The following ADAM2 variants were observed in gnomAD, a reference collection of about 807,000 sequenced individuals.
ADAM2 encodes the protein ADAM metallopeptidase domain 2, also known as disintegrin and metalloproteinase domain-containing protein 2.
ADAM2 carries 101 observed loss-of-function variants against 99.3 expected under a neutral mutation model. The ratio of observed to expected loss-of-function variants is 1.02; its 90% confidence interval spans 0.87 to 1.20. The LOEUF (loss-of-function observed/expected upper bound fraction) is 1.20, where lower values mean the gene tolerates loss of function less well. Among genes scored for constraint, ADAM2 ranks in the 50% most tolerant of loss-of-function variants. The pLI is 0.00. For missense variants in ADAM2, 948 were observed against 878.7 expected (o/e 1.08, Z -1.00); for synonymous variants, 323 against 287.6 (o/e 1.12, Z -1.25).
chr8:39,748,340 T>G (rs749337985), intron 18 of ADAM2, among the ~76,000 whole-genome samples: 6 of 152,152 alleles, frequency 3.9e-5, no homozygotes, highest in Non-Finnish European at 8.8e-5. Context: ...ATGGCATGTG[T>G]GTGCATGAAT....
chr8:39,766,905 A>G lies in ADAM2; in HGVS notation c.1450T>C (p.Cys484Arg). The change falls in exon 14 of 21, where the codon TGT becomes CGT. Residue 484 changes from cysteine to arginine, a missense_variant. Cys to Arg is a radical substitution (Grantham distance 180). Transcript: ENST00000265708. ...GHPCGLNQWI[C>R]IDGVCMSGDK... ...CCACTCATACAAACTCCATCTATACAGATCCATTGATTCAGTCCACACGGA... is the reference window on the plus strand; with the variant it reads ...CCACTCATACAAACTCCATCTATACGGATCCATTGATTCAGTCCACACGGA... 1 of 1,614,128 alleles carries G rather than the reference A, an allele frequency of 6.2e-7. No homozygotes were observed. Among genetic ancestry groups the G allele is most frequent in the South Asian group, 1.1e-5 (1 of 91,084 alleles).
intron 9 of ADAM2, among the ~76,000 whole-genome samples, chr8:39,787,303 A>C (rs569401513): frequency 1.2e-4 from 18 of 151,766 alleles, no homozygotes; most frequent in African/African-American, 4.3e-4. Context: ...TAAAAAAACT[A>C]AAACAGAAAA....
intron 7 of ADAM2, among the ~76,000 whole-genome samples, chr8:39,797,598 G>T (rs1237060601): frequency 6.6e-6 from 1 of 152,166 alleles, no homozygotes; most frequent in Admixed American, 6.5e-5. Context: ...GTCAATGGTA[G>T]TTTTATGTGA....
chr8:39,799,175 C>T (rs774153741), intron 7 of ADAM2, among the ~76,000 whole-genome samples: 4 of 152,170 alleles, frequency 2.6e-5, no homozygotes, highest in Admixed American at 2.6e-4. Context: ...ATGGGCATTT[C>T]GTGCTATAAA....
At chr8:39,746,769 T>C in intron 18 of ADAM2, 138 bp from the exon 19 acceptor site, 1 of 697,292 alleles carries the variant, frequency 1.4e-6, no homozygotes, top group East Asian at 3.1e-5. Flanking sequence ...TTCTATGAAA[T>C]AGATAACTTG....
chr8:39,836,443 A>T (rs1335938432), intron 2 of ADAM2, among the ~76,000 whole-genome samples: 1 of 152,156 alleles, frequency 6.6e-6, no homozygotes, highest in African/African-American at 2.4e-5. Context: ...TGATTTAAAT[A>T]ACATCTTAAG....
chr8:39,778,303 C>G (rs532884610), intron 10 of ADAM2, among the ~76,000 whole-genome samples: 1 of 151,914 alleles, frequency 6.6e-6, no homozygotes, highest in African/African-American at 2.4e-5. Flanking sequence ...TGCCCTCCAC[C>G]CCAAAAAGAT....
At chr8:39,792,053 C>T (rs1803738605) in intron 7 of ADAM2, among the ~76,000 whole-genome samples, 1 of 151,720 alleles carries the variant, frequency 6.6e-6, no homozygotes, top group East Asian at 1.9e-4. Flanking sequence ...TAAAATATCA[C>T]ACAACACAGC....
At chr8:39,771,038 C>G (rs1802759561) in intron 11 of ADAM2, among the ~76,000 whole-genome samples, 1 of 152,162 alleles carries the variant, frequency 6.6e-6, no homozygotes, top group Admixed American at 6.5e-5. Flanking sequence ...TTTAAATTCA[C>G]CTATAGTTAC....
At chr8:39,793,385 A>G (rs1350224862) in intron 7 of ADAM2, among the ~76,000 whole-genome samples, 2 of 152,174 alleles carry the variant, frequency 1.3e-5, no homozygotes. Context: ...ATGTAACATT[A>G]CCAAGGGATG....
intron 3 of ADAM2, among the ~76,000 whole-genome samples, chr8:39,825,847 C>T (rs1805377527): frequency 6.6e-6 from 1 of 152,038 alleles, no homozygotes; most frequent in South Asian, 2.1e-4. Flanking sequence ...TTTATTCCAG[C>T]AAAAATTTAT....
chr8:39,777,198 T>C lies in ADAM2; in HGVS notation c.892-37A>G, dbSNP rs780154490. ...AAATAGATGTACACGTTTTGGGAGA[T>C]TATTTTGTTTACTGGGAGAACAATG... On this transcript the variant is annotated intron_variant, in intron 10 of 20. Transcript: ENST00000265708. 3.9e-6 allele frequency: 6 copies of C among 1,547,926 alleles called. No individual in the cohort carries two copies. In the East Asian group the frequency reaches 6.8e-5, roughly 18 times the overall value.
At chr8:39,761,940 C>T (rs972941162) in intron 14 of ADAM2, among the ~76,000 whole-genome samples, 3 of 152,020 alleles carry the variant, frequency 2.0e-5, no homozygotes, top group Non-Finnish European at 4.4e-5. Flanking sequence ...GAAAATTAGC[C>T]GGGCATGGTG....
At chr8:39,803,733 G>C (rs1423364985) in intron 7 of ADAM2, among the ~76,000 whole-genome samples, 1 of 152,176 alleles carries the variant, frequency 6.6e-6, no homozygotes, top group Admixed American at 6.5e-5. Flanking sequence ...AGACTAGACT[G>C]AAAAGATATT....
At chr8:39,785,933 T>A (rs540597509) in intron 10 of ADAM2, among the ~76,000 whole-genome samples, 1 of 151,922 alleles carries the variant, frequency 6.6e-6, no homozygotes, top group African/African-American at 2.4e-5. Flanking sequence ...AAATGGTGGA[T>A]CGGATAAAGA....
intron 7 of ADAM2, among the ~76,000 whole-genome samples, chr8:39,795,780 G>T (rs998820621): frequency 6.6e-6 from 1 of 152,076 alleles, no homozygotes; most frequent in Non-Finnish European, 1.5e-5. Context: ...ATACTTTGTG[G>T]TTCACAAAGT....
chr8:39,813,892 A>G (rs1212630814), intron 6 of ADAM2, among the ~76,000 whole-genome samples: 1 of 152,154 alleles, frequency 6.6e-6, no homozygotes, highest in Non-Finnish European at 1.5e-5. Flanking sequence ...CGTTGTGCAC[A>G]TGTACCCTAG....
In ADAM2 at chr8:39,755,906, A is replaced by G. The variant is rs759207976; in HGVS notation, c.1619T>C (p.Leu540Pro). Residue 540 changes from leucine (L) to proline (P), a missense_variant, in exon 16 of 21, where the codon CTG becomes CCG. By Grantham distance (98) the Leu-to-Pro change is moderately conservative. Coordinates refer to ENST00000265708, the MANE Select transcript of ADAM2 (RefSeq NM_001464.5). ...SGYTQCEADN[L>P]QCGKLICKYV... Reference sequence around the variant, plus strand: ...TTTACATATTAATTTTCCGCACTGCAGATTGCTATAATTTATCCACAAATA... The same window carrying G: ...TTTACATATTAATTTTCCGCACTGCGGATTGCTATAATTTATCCACAAATA... 6.8e-7 allele frequency: 1 copy of G among 1,476,976 alleles called. No homozygotes were observed. Among genetic ancestry groups the G allele is most frequent in the Non-Finnish European group, 9.3e-7 (1 of 1,070,438 alleles). The allele number at this position is 1,476,976 out of a possible 1,614,324, so 91.5% of individuals were successfully genotyped here.
At chr8:39,792,680 C>T (rs1221302020) in intron 7 of ADAM2, among the ~76,000 whole-genome samples, 1 of 151,906 alleles carries the variant, frequency 6.6e-6, no homozygotes, top group Non-Finnish European at 1.5e-5. Flanking sequence ...ACTGGAAAAT[C>T]CCAAGAAACC....
Sources: allele counts gnomAD v4.1 joint callset (sites outside exome capture counted in the v4.1 genomes callset), GRCh38; gene constraint gnomAD v4.1.1; transcripts MANE v1.5; gene names NCBI Gene and HGNC (gene_info 2026-07-23, HGNC 2026-07-21).